MAP3K15: variants seen among roughly 807,000 people sequenced by gnomAD.
The protein encoded by MAP3K15 is MAPK/ERK kinase kinase 15.
MAP3K15 carries 124 observed loss-of-function variants against 99.5 expected under a neutral mutation model. The ratio of observed to expected loss-of-function variants is 1.25; its 90% CI spans 1.08 to 1.45. MAP3K15 has a LOEUF of 1.45. MAP3K15 is among the 40% of genes most tolerant of loss of function. The pLI is 0.00. For synonymous variants in MAP3K15, 494 were observed against 439.6 expected, an observed-to-expected ratio of 1.12 and a Z score of -1.55; for missense variants, 1,242 against 1,079.7, an observed-to-expected ratio of 1.15 and a Z score of -2.11.
chrX:19,496,463 C>T (rs753278550), intron 1 of MAP3K15: 1 of 111,452 alleles, frequency 9.0e-6, no homozygotes, highest in Admixed American at 9.6e-5. Context: ...CTCTCTGTAG[C>T]AAAATTTTTG....
At chrX:19,407,313 C>T in intron 12 of MAP3K15, 30 bp from the exon 13 acceptor site, 3 of 920,877 alleles carry the variant, frequency 3.3e-6, no homozygotes, top group East Asian at 3.3e-5. Context: ...AATGTTTATA[C>T]ATAAGTTATG....
intron 3 of MAP3K15, among the ~76,000 whole-genome samples, chrX:19,485,308 CAAAAAAAAAAAAAAAAA>C (rs368987947): frequency 2.5e-4 from 2 of 7,926 alleles, no homozygotes; most frequent in African/African-American, 5.2e-4. Context: ...GACTCTGTCT[CAAAAAAAAAAAAAAAAA>C]AAAAAAAAAA....
chrX:19,435,020 A>T (rs1168188805), intron 6 of MAP3K15, among the ~76,000 whole-genome samples: 1 of 112,322 alleles, frequency 8.9e-6, no homozygotes, highest in Admixed American at 9.5e-5. Flanking sequence ...CAGCCATTGT[A>T]TAATATTCTT....
chrX:19,367,723 A>ACT (rs2063344451), intron 25 of MAP3K15, among the ~76,000 whole-genome samples: 3 of 24,107 alleles, frequency 1.2e-4, no homozygotes, highest in African/African-American at 3.9e-4. Context: ...ATAACTATGG[A>ACT]TTTTTTTTTT....
intron 2 of MAP3K15, among the ~76,000 whole-genome samples, chrX:19,488,460 G>A (rs1409483700): frequency 9.0e-6 from 1 of 111,708 alleles, no homozygotes; most frequent in Non-Finnish European, 1.9e-5. Flanking sequence ...TTATGTGTAG[G>A]TTTGGATCCA....
intron 6 of MAP3K15, among the ~76,000 whole-genome samples, chrX:19,436,879 T>C (rs996736728): frequency 9.0e-6 from 1 of 111,530 alleles, no homozygotes; most frequent in Non-Finnish European, 1.9e-5. Context: ...CGTTTAGCCA[T>C]GATGACCAGG....
intron 19 of MAP3K15, among the ~76,000 whole-genome samples, chrX:19,377,666 C>T (rs1193088573): frequency 2.7e-5 from 3 of 112,298 alleles, no homozygotes; most frequent in African/African-American, 6.5e-5. Flanking sequence ...CCTGGTTTCC[C>T]GGAAGTCAGC....
At chrX:19,396,483 G>A (rs986150862) in intron 15 of MAP3K15, among the ~76,000 whole-genome samples, 1 of 112,011 alleles carries the variant, frequency 8.9e-6, no homozygotes, top group Non-Finnish European at 1.9e-5. Context: ...CAAGAGACTC[G>A]GATCCTAGTC....
intron 11 of MAP3K15, among the ~76,000 whole-genome samples, chrX:19,411,772 C>T (rs1367655235): frequency 9.0e-6 from 1 of 111,249 alleles, no homozygotes; most frequent in Non-Finnish European, 1.9e-5. Context: ...GTGCCTGGCA[C>T]GTTCGGGGAC....
intron 19 of MAP3K15, among the ~76,000 whole-genome samples, chrX:19,378,375 G>A (rs947610108): frequency 8.9e-6 from 1 of 112,156 alleles, no homozygotes; most frequent in African/African-American, 3.2e-5. Context: ...CTGAGACTGG[G>A]TAATTTATAA....
At chrX:19,416,840 G>T (rs768832086) in intron 9 of MAP3K15, among the ~76,000 whole-genome samples, 6 of 112,088 alleles carry the variant, frequency 5.4e-5, no homozygotes, top group Admixed American at 9.5e-5. Flanking sequence ...TTTCAACTGA[G>T]CCCCTAACTC....
intron 18 of MAP3K15, among the ~76,000 whole-genome samples, chrX:19,380,604 C>T (rs2063452397): frequency 1.8e-5 from 2 of 111,471 alleles, no homozygotes; most frequent in South Asian, 3.8e-4. Flanking sequence ...CGGCTCACCG[C>T]GAACTCCGCC....
intron 16 of MAP3K15, 116 bp from the exon 17 acceptor site, chrX:19,392,589 G>C: frequency 1.4e-6 from 1 of 717,477 alleles, no homozygotes; most frequent in Non-Finnish European, 2.0e-6. Flanking sequence ...CAACACCATC[G>C]GATCTGGGCT....
chrX:19,410,619 A>G (rs963884958), intron 11 of MAP3K15, among the ~76,000 whole-genome samples: 3 of 111,928 alleles, frequency 2.7e-5, no homozygotes, highest in Non-Finnish European at 5.6e-5. Context: ...TGAGGCATAG[A>G]TAAACTTTTA....
intron 18 of MAP3K15, among the ~76,000 whole-genome samples, chrX:19,381,879 C>T (rs994239639): frequency 2.7e-5 from 3 of 111,894 alleles, no homozygotes; most frequent in East Asian, 2.8e-4. Context: ...ACCTTGGCCA[C>T]GCATGAATAG....
chrX:19,459,251 A>C (rs1193826309), intron 5 of MAP3K15, among the ~76,000 whole-genome samples: 1 of 112,101 alleles, frequency 8.9e-6, no homozygotes, highest in African/African-American at 3.2e-5. Context: ...CAAGTTACTT[A>C]ACCGCTCTGT....
At chrX:19,375,011 A>G (rs2063407499) in intron 19 of MAP3K15, among the ~76,000 whole-genome samples, 1 of 111,223 alleles carries the variant, frequency 9.0e-6, no homozygotes, top group African/African-American at 3.3e-5. Context: ...AGGACGCCCC[A>G]GCCATCCCAG....
chrX:19,405,855 T>G (rs1192636405), intron 13 of MAP3K15, among the ~76,000 whole-genome samples: 1 of 112,540 alleles, frequency 8.9e-6, no homozygotes, highest in African/African-American at 3.2e-5. Flanking sequence ...GAAACGTATA[T>G]GGAAATTCTT....
At chrX:19,395,821 G>A (rs762554209) in intron 15 of MAP3K15, among the ~76,000 whole-genome samples, 27 of 112,298 alleles carry the variant, frequency 2.4e-4, no homozygotes, top group Admixed American at 2.2e-3. Flanking sequence ...GATCAGTTCA[G>A]GCTAAGCCTT....
Sources: gnomAD v4.1 joint callset for allele counts (sites outside exome capture counted in the v4.1 genomes callset) on GRCh38, gnomAD v4.1.1 for gene constraint, MANE v1.5 for transcripts, NCBI Gene and HGNC (gene_info 2026-07-23, HGNC 2026-07-21) for gene names.